CDH23: variants seen among roughly 807,000 people sequenced by gnomAD.
CDH23 encodes the protein cadherin-23.
Under a neutral mutation model 317.1 loss-of-function variants are expected in CDH23, and 189 were observed. The observed-to-expected ratio is 0.60, with a 90% confidence interval of 0.53 to 0.67. CDH23 has a LOEUF of 0.67. Among genes scored for constraint, CDH23 ranks in the 30% least tolerant of loss-of-function variants. The pLI, the probability that CDH23 is intolerant of heterozygous loss-of-function variation, is 0.00. For synonymous variants in CDH23, 1,839 were observed against 1,876.8 expected, an observed-to-expected ratio of 0.98 and a Z score of 0.52; for missense variants, 4,401 against 4,592.4, an observed-to-expected ratio of 0.96 and a Z score of 1.20.
intron 3 of CDH23, among the ~76,000 whole-genome samples, chr10:71,458,678 C>T (rs1031276126): frequency 2.6e-5 from 4 of 152,200 alleles, no homozygotes; most frequent in African/African-American, 9.7e-5. Context: ...TTACTCAGTT[C>T]AAAATTGTGG....
At chr10:71,518,745 A>G (rs1425307536) in intron 6 of CDH23, among the ~76,000 whole-genome samples, 2 of 152,198 alleles carry the variant, frequency 1.3e-5, no homozygotes, top group East Asian at 3.9e-4. Context: ...AAGATTCAAC[A>G]TTTTCTGCCA....
chr10:71,540,705 A>G (rs1855940814), intron 6 of CDH23, among the ~76,000 whole-genome samples: 1 of 152,026 alleles, frequency 6.6e-6, no homozygotes, highest in Non-Finnish European at 1.5e-5. Flanking sequence ...CCAGCTGAGA[A>G]ATTCCCCAGC....
intron 20 of CDH23, among the ~76,000 whole-genome samples, chr10:71,692,754 A>G (rs1321305701): frequency 1.9e-4 from 29 of 152,072 alleles, no homozygotes; most frequent in Admixed American, 1.8e-3. Context: ...GCCTTGTTTT[A>G]TGGTGGAAAG....
Position 71,725,443 on chromosome 10 carries a change from C to T in CDH23, c.3502C>T (p.Arg1168Trp), listed in dbSNP as rs760741729. ...LLMRGPRPLDRERNSSHVLIV... is the reference protein window; with the variant it reads ...LLMRGPRPLDWERNSSHVLIV... ...GATGCGAGGGCCCCGGCCCCTGGAC[C>T]GGGAGCGGAACTCATCCCACGTGCT... Residue 1168 changes from arginine (R) to tryptophan (W), a missense_variant, in exon 30 of 70, where the codon CGG (arginine) becomes TGG (tryptophan). Physicochemically the swap from Arg to Trp is moderately radical, Grantham distance 101 (BLOSUM62 -3). This residue lies in a region of CDH23 where 3,068 missense variants were observed against 3,203.3 expected (regional missense o/e 0.96). Transcript: ENST00000224721. The T allele has an allele frequency of 1.5e-5, 24 of 1,613,938 alleles. No individual in the cohort carries two copies. Among genetic ancestry groups the T allele is most frequent in the Admixed American group, 6.7e-5 (4 of 60,010 alleles).
intron 38 of CDH23, among the ~76,000 whole-genome samples, chr10:71,756,867 T>G (rs934843171): frequency 1.3e-5 from 2 of 152,238 alleles, no homozygotes; most frequent in African/African-American, 4.8e-5. Context: ...GTTTTTGTTT[T>G]GCTCTACAAT....
intron 14 of CDH23, among the ~76,000 whole-genome samples, chr10:71,648,226 G>T (rs760745431): frequency 1.3e-5 from 2 of 152,190 alleles, no homozygotes; most frequent in African/African-American, 4.8e-5. Context: ...ATCACCAGGC[G>T]CTTGAGGCCC....
chr10:71,648,429 G>A (rs905395044), intron 14 of CDH23, among the ~76,000 whole-genome samples: 6 of 152,248 alleles, frequency 3.9e-5, no homozygotes, highest in Non-Finnish European at 8.8e-5. Context: ...CTGGGACCAC[G>A]TGGCAAAGAA....
At position 71,603,665 on chromosome 10, in the gene CDH23, G is replaced by T. The variant is rs560297849; in HGVS notation, c.833-11839G>T. Among the ~76,000 whole-genome samples, 7 of 152,304 alleles carry T rather than the reference G, an allele frequency of 4.6e-5. No homozygotes were observed. In the South Asian group the frequency reaches 1.2e-3, roughly 27 times the overall value. Reference sequence around the variant, plus strand: ...TTTTCCTCACCTTGCTCACCTCCTGGCCAGACTCCGGGCCCCAGGGCTGAG... The same window carrying T: ...TTTTCCTCACCTTGCTCACCTCCTGTCCAGACTCCGGGCCCCAGGGCTGAG... On this transcript the variant is annotated intron_variant, in intron 9 of 69. Coordinates refer to ENST00000224721, the MANE Select transcript of CDH23 (RefSeq NM_022124.6).
chr10:71,755,121 C>A (rs925214398), intron 38 of CDH23: 2 of 648,064 alleles, frequency 3.1e-6, no homozygotes, highest in Admixed American at 4.2e-5. Flanking sequence ...TATTGAGTGC[C>A]GAGCCAGCAC....
chr10:71,529,771 A>C (rs1252548159), intron 6 of CDH23, among the ~76,000 whole-genome samples: 2 of 151,992 alleles, frequency 1.3e-5, no homozygotes, highest in African/African-American at 4.8e-5. Flanking sequence ...CGGCCACCTG[A>C]GCCCTACAAG....
rs886047140 is a variant in CDH23 at position 71,802,966 on chromosome 10, C to T, written c.7551C>T (p.Ser2517=). The T allele has an allele frequency of 5.6e-6, 9 of 1,613,994 alleles. No individual in the cohort carries two copies. The highest frequency in any genetic ancestry group is 1.7e-5 in the Admixed American group (1 of 60,016). ...TCTCCAAGCCCCAGTTCAGCACAAG[C>T]GTGTATGAGAATGAGCCGGCGGGCA... ...PQFSKPQFST[S]VYENEPAGTS... Residue 2517 remains serine (S), a synonymous_variant, in exon 54 of 70, where the codon AGC becomes AGT. Coordinates refer to ENST00000224721, the MANE Select transcript of CDH23 (RefSeq NM_022124.6).
chr10:71,673,824 G>A (rs773057001), intron 14 of CDH23, among the ~76,000 whole-genome samples: 7 of 152,204 alleles, frequency 4.6e-5, no homozygotes, highest in East Asian at 3.8e-4. Context: ...GCCAGCAGTC[G>A]CTGCTGCCGT....
At chr10:71,546,714 C>T (rs972299565) in intron 6 of CDH23, among the ~76,000 whole-genome samples, 1 of 152,222 alleles carries the variant, frequency 6.6e-6, no homozygotes, top group African/African-American at 2.4e-5. Context: ...CAAAGATCCA[C>T]AGGTACCAGA....
intron 13 of CDH23, 57 bp downstream of exon 13, chr10:71,646,037 G>T: frequency 1.3e-6 from 2 of 1,581,476 alleles, no homozygotes; most frequent in East Asian, 2.2e-5. Flanking sequence ...TTCAGGGGAG[G>T]CGAGGGTAGG....
At chr10:71,432,340 G>GC (rs1849417951) in intron 1 of CDH23, among the ~76,000 whole-genome samples, 2 of 44,892 alleles carry the variant, frequency 4.5e-5, no homozygotes, top group Non-Finnish European at 8.5e-5. Flanking sequence ...AAGTGTGTGT[G>GC]CGGTGTGTGA....
In CDH23 at chr10:71,617,370, AT is replaced by A. The variant is rs1861245902; in HGVS notation, c.1112del (p.Ile371ThrfsTer12). On this transcript the variant is annotated frameshift_variant, in exon 11 of 70. Coordinates refer to ENST00000224721, the MANE Select transcript of CDH23 (RefSeq NM_022124.6). LOFTEE classifies it high-confidence loss of function. The part of the protein sequence containing the change: ...AQVGFALPLF[I>X]QVVDKDENLG... ...GGTCGGCTTTGCCCTTCCACTCTTC[AT>A]CCAGGTGGTGGACAAGGATGAGGTG... 4 of 1,613,786 alleles carry A rather than the reference AT, an allele frequency of 2.5e-6. No homozygotes were observed. Among genetic ancestry groups the A allele is most frequent in the Non-Finnish European group, 3.4e-6 (4 of 1,179,874 alleles).
At chr10:71,692,644 A>T (rs1248641415) in intron 20 of CDH23, among the ~76,000 whole-genome samples, 2 of 152,090 alleles carry the variant, frequency 1.3e-5, no homozygotes. Flanking sequence ...ACCCACCCCC[A>T]GCTCCCTGCT....
At chr10:71,447,460 GT>G (rs964601837) in intron 3 of CDH23, among the ~76,000 whole-genome samples, 4 of 151,930 alleles carry the variant, frequency 2.6e-5, no homozygotes, top group African/African-American at 7.3e-5. Flanking sequence ...CCTGGTGGAG[GT>G]TTTTTTTCAG....
intron 3 of CDH23, among the ~76,000 whole-genome samples, chr10:71,498,522 G>A (rs926652413): frequency 2.0e-5 from 3 of 152,216 alleles, no homozygotes; most frequent in East Asian, 3.8e-4. Context: ...GTCAGCTGCA[G>A]GAGGGCAGGT....
Sources: allele counts gnomAD v4.1 joint callset (sites outside exome capture counted in the v4.1 genomes callset), GRCh38; gene constraint gnomAD v4.1.1; regional missense constraint gnomAD v4.1.1; transcripts MANE v1.5; gene names NCBI Gene and HGNC (gene_info 2026-07-23, HGNC 2026-07-21).